Variants in KATNBL1 observed in about 807,000 individuals in gnomAD.
KATNBL1 encodes the protein katanin regulatory subunit B1 like 1.
Under a neutral mutation model 44.7 loss-of-function variants are expected in KATNBL1, and 28 were observed. The ratio of observed to expected loss-of-function variants is 0.63; its 90% CI spans 0.46 to 0.86. The LOEUF is 0.86. Among genes scored for constraint, KATNBL1 ranks in the 40% least tolerant of loss-of-function variants. The probability of loss-of-function intolerance (pLI) is 0.00; values close to 1 mark genes in which losing one functional copy is unlikely to be tolerated. For synonymous variants in KATNBL1, 78 were observed against 114.9 expected, an observed-to-expected ratio of 0.68 and a Z score of 2.06; for missense variants, 272 against 350.7, an observed-to-expected ratio of 0.78 and a Z score of 1.79.
intron 1 of KATNBL1, among the ~76,000 whole-genome samples, chr15:34,194,629 G>C (rs1889982999): frequency 6.6e-6 from 1 of 152,042 alleles, no homozygotes; most frequent in Admixed American, 6.6e-5. Context: ...GTGGAGGTGG[G>C]GTTGGGAAGG....
At chr15:34,142,722 CT>C (rs994394253) in intron 9 of KATNBL1, 34 of 246,172 alleles carry the variant, frequency 1.4e-4, no homozygotes, top group South Asian at 3.1e-4. Context: ...ATTTCTTTCT[CT>C]TTTTTTTGAG....
At chr15:34,156,358 G>A (rs939443591) in intron 2 of KATNBL1, among the ~76,000 whole-genome samples, 7 of 152,168 alleles carry the variant, frequency 4.6e-5, no homozygotes, top group Admixed American at 3.9e-4. Flanking sequence ...CCTGGAAAAA[G>A]AGCTACCATA....
intron 7 of KATNBL1, 46 bp downstream of exon 7, chr15:34,147,154 G>T: frequency 8.2e-7 from 1 of 1,212,358 alleles, no homozygotes; most frequent in South Asian, 1.2e-5. Context: ...ACAAAATCAA[G>T]GATGCTGAAA....
intron 1 of KATNBL1, among the ~76,000 whole-genome samples, chr15:34,194,996 G>T (rs1422010182): frequency 6.6e-6 from 1 of 152,148 alleles, no homozygotes; most frequent in African/African-American, 2.4e-5. Flanking sequence ...TACTATTTGT[G>T]GGAATGTAAA....
chr15:34,167,392 T>G (rs956149132), intron 1 of KATNBL1, among the ~76,000 whole-genome samples: 1 of 151,892 alleles, frequency 6.6e-6, no homozygotes, highest in Non-Finnish European at 1.5e-5. Context: ...AAGACAAGAT[T>G]AGAGAAAAAA....
chr15:34,179,950 C>G (rs564079181), intron 1 of KATNBL1, among the ~76,000 whole-genome samples: 9 of 152,248 alleles, frequency 5.9e-5, no homozygotes, highest in African/African-American at 1.9e-4. Context: ...GGTGGAAATG[C>G]CAATACATGG....
chr15:34,191,186 T>TATATATATATATATATATATATATA, intron 1 of KATNBL1, among the ~76,000 whole-genome samples: 1 of 131,152 alleles, frequency 7.6e-6, no homozygotes, highest in Non-Finnish European at 1.6e-5. Flanking sequence ...TATATATATA[T>TATATATATATATATATATATATATA]ATTTGGTAGG....
At chr15:34,209,475 T>C (rs1479759101) in intron 1 of KATNBL1, 2 of 152,202 alleles carry the variant, frequency 1.3e-5, no homozygotes, top group Admixed American at 1.3e-4. Flanking sequence ...ACAATTCTTA[T>C]GCAGTTATGT....
intron 9 of KATNBL1, 127 bp downstream of exon 9, chr15:34,145,271 T>C: frequency 7.0e-7 from 1 of 1,429,928 alleles, no homozygotes; most frequent in Non-Finnish European, 9.3e-7. Context: ...TTTGAAAATA[T>C]GAAATTGACT....
At chr15:34,169,017 CAAT>C (rs74997307) in intron 1 of KATNBL1, among the ~76,000 whole-genome samples, 18,424 of 152,030 alleles carry the variant, frequency 0.12, 1,209 homozygotes, top group Non-Finnish European at 0.15. Context: ...GCTAAAATCA[CAAT>C]CAAAAGAACT....
chr15:34,155,137 G>A (rs1053055300), intron 2 of KATNBL1, among the ~76,000 whole-genome samples: 1 of 152,174 alleles, frequency 6.6e-6, no homozygotes, highest in Non-Finnish European at 1.5e-5. Context: ...GAATGAGGAA[G>A]TTAAACTTTA....
At chr15:34,145,182 G>T in intron 9 of KATNBL1, 1 of 1,351,740 alleles carries the variant, frequency 7.4e-7, no homozygotes. Flanking sequence ...CATTTCAGGG[G>T]CTGTACATGA....
chr15:34,173,684 C>T (rs1221378407), intron 1 of KATNBL1, among the ~76,000 whole-genome samples: 1 of 151,978 alleles, frequency 6.6e-6, no homozygotes, highest in Non-Finnish European at 1.5e-5. Flanking sequence ...TACATCGGAG[C>T]ACATAAGGAA....
chr15:34,181,429 C>T (rs1889520836), intron 1 of KATNBL1, among the ~76,000 whole-genome samples: 1 of 151,186 alleles, frequency 6.6e-6, no homozygotes, highest in Non-Finnish European at 1.5e-5. Flanking sequence ...CTCTTCAGAT[C>T]GTATTAATCT....
chr15:34,141,559 A>G lies in KATNBL1; in HGVS notation c.*780T>C, dbSNP rs546196032. 3.3e-5 allele frequency: 5 copies of G among 152,706 alleles called. No individual in the cohort carries two copies. The highest frequency in any genetic ancestry group is 7.4e-5 in the Non-Finnish European group (5 of 67,992). The allele number at this position is 152,706 out of a possible 1,614,324, so 9.5% of individuals were successfully genotyped here. A position where few individuals can be genotyped will look rare whatever the true frequency, so the allele number is the denominator to read the frequency against. On this transcript the variant is annotated 3_prime_UTR_variant, in exon 10 of 10. Coordinates refer to ENST00000256544, the MANE Select transcript of KATNBL1 (RefSeq NM_024713.3). ...CAAAAACATATTCACCTTTTTCCTT[A>G]GATAGGGATAACACATTCATACATG...
At chr15:34,193,233 A>AC (rs1447812867) in intron 1 of KATNBL1, among the ~76,000 whole-genome samples, 46 of 135,544 alleles carry the variant, frequency 3.4e-4, no homozygotes, top group Non-Finnish European at 7.1e-4. Flanking sequence ...AAAAAAAAAA[A>AC]AACAAAAAAA....
At chr15:34,172,226 G>A (rs529785329) in intron 1 of KATNBL1, among the ~76,000 whole-genome samples, 11 of 145,504 alleles carry the variant, frequency 7.6e-5, no homozygotes, top group African/African-American at 1.5e-4. Context: ...TCTAGAAAAC[G>A]TAAAACAGAG....
intron 1 of KATNBL1, among the ~76,000 whole-genome samples, chr15:34,195,248 T>C (rs1889997445): frequency 6.6e-6 from 1 of 152,194 alleles, no homozygotes; most frequent in Admixed American, 6.5e-5. Flanking sequence ...ATATACAATA[T>C]GGGATACTAT....
At chr15:34,156,441 G>A (rs188845055) in intron 2 of KATNBL1, among the ~76,000 whole-genome samples, 25 of 152,324 alleles carry the variant, frequency 1.6e-4, no homozygotes, top group Admixed American at 1.4e-3. Context: ...CCTGCCATGC[G>A]CACGAGCATA....
Sources: allele counts gnomAD v4.1 joint callset (sites outside exome capture counted in the v4.1 genomes callset), GRCh38; gene constraint gnomAD v4.1.1; transcripts MANE v1.5; gene names NCBI Gene and HGNC (gene_info 2026-07-23, HGNC 2026-07-21).